Variants in CCDC144A observed in about 807,000 individuals in gnomAD.
The protein encoded by CCDC144A is coiled-coil domain-containing protein 144A.
In CCDC144A, 41 loss-of-function variants were observed where a neutral mutation model predicts 143.8. The observed-to-expected ratio is 0.29, with a 90% CI of 0.22 to 0.37. The LOEUF (loss-of-function observed/expected upper bound fraction) is 0.37, where lower values mean the gene tolerates loss of function less well. Among genes scored for constraint, CCDC144A ranks in the 10% least tolerant of loss-of-function variants. CCDC144A has a pLI of 1.00. For synonymous variants in CCDC144A, 242 were observed against 517.9 expected, an observed-to-expected ratio of 0.47 and a Z score of 7.23; for missense variants, 637 against 1,488.8, an observed-to-expected ratio of 0.43 and a Z score of 9.41.
At chr17:16,683,489 C>G in the CCDC144A span, 1 of 1,456,026 alleles carries the variant, frequency 6.9e-7, no homozygotes, top group Non-Finnish European at 9.6e-7. Context: ...CCTTGCCCTG[C>G]CGCCGCTCTC....
At chr17:16,703,016 T>C (rs1317977101) in intron 2 of CCDC144A, among the ~76,000 whole-genome samples, 3 of 152,230 alleles carry the variant, frequency 2.0e-5, no homozygotes, top group African/African-American at 4.8e-5. Context: ...GTTTTGATTA[T>C]CAAAAATGAA....
chr17:16,712,743 C>G (rs2143141011), intron 6 of CCDC144A, among the ~76,000 whole-genome samples: 1 of 152,204 alleles, frequency 6.6e-6, no homozygotes, highest in East Asian at 1.9e-4. Flanking sequence ...TTGTCATACC[C>G]AGAAAATAAT....
chr17:16,703,640 T>TA (rs1911861499), intron 2 of CCDC144A, among the ~76,000 whole-genome samples: 1 of 152,018 alleles, frequency 6.6e-6, no homozygotes, highest in East Asian at 1.9e-4. Context: ...CCGTCTCTAC[T>TA]AAAAATACAA....
At chr17:16,672,418 C>A in the CCDC144A span, among the ~76,000 whole-genome samples, 1 of 151,698 alleles carries the variant, frequency 6.6e-6, no homozygotes, top group African/African-American at 2.4e-5. Context: ...GCACTCTAGC[C>A]TGGGGGACAA....
At chr17:16,694,706 A>G (rs1911296205) in intron 2 of CCDC144A, among the ~76,000 whole-genome samples, 1 of 151,980 alleles carries the variant, frequency 6.6e-6, no homozygotes, top group African/African-American at 2.4e-5. Context: ...TGAGAAGAAC[A>G]GGTCATGTTA....
the CCDC144A span, chr17:16,683,564 T>C: frequency 4.4e-6 from 7 of 1,601,708 alleles, no homozygotes; most frequent in South Asian, 3.3e-5. Flanking sequence ...TGACCGGGAA[T>C]GAGTGCAAAG....
rs1359949449 is a variant in CCDC144A, at chr17:16,693,048, A to G, written c.414A>G (p.Pro138=). The G allele has an allele frequency of 7.8e-6, 12 of 1,545,886 alleles. No homozygotes were observed. In the South Asian group the frequency reaches 1.1e-4, roughly 15 times the overall value. ...AAAGTCTTCCTCAAAATAACAATCC[A>G]GGTAAGACTTCTGATAGTGAATTAT... ...TPESLPQNNN[P]DWHPTNLTLS... The change falls in exon 2 of 17, where the codon CCA becomes CCG. Residue 138 remains proline, a splice_region_variant and synonymous_variant. Coordinates refer to ENST00000399273, the MANE Select transcript of CCDC144A (RefSeq NM_001382000.1).
chr17:16,755,028 A>T (rs1222365723), intron 12 of CCDC144A, among the ~76,000 whole-genome samples: 2 of 151,802 alleles, frequency 1.3e-5, no homozygotes, highest in African/African-American at 4.8e-5. Context: ...CTTAAGATCT[A>T]TTTTGTCTGA....
intron 12 of CCDC144A, chr17:16,745,717 G>T (rs987286756): frequency 5.0e-6 from 8 of 1,614,006 alleles, no homozygotes; most frequent in Non-Finnish European, 6.8e-6. Flanking sequence ...TCTCGCGCTC[G>T]GAAGTGAGCT....
At chr17:16,751,643 C>T (rs1267632517) in intron 12 of CCDC144A, among the ~76,000 whole-genome samples, 2 of 152,208 alleles carry the variant, frequency 1.3e-5, no homozygotes, top group African/African-American at 4.8e-5. Flanking sequence ...GTTAGGTTGC[C>T]GAGAGACCTA....
At chr17:16,752,348 C>T (rs2143323982) in intron 12 of CCDC144A, among the ~76,000 whole-genome samples, 1 of 152,288 alleles carries the variant, frequency 6.6e-6, no homozygotes. Flanking sequence ...AAATTGTTTT[C>T]CACAATGCCA....
At chr17:16,684,324 TAAC>T in the CCDC144A span, 43 of 720,494 alleles carry the variant, frequency 6.0e-5, no homozygotes, top group Non-Finnish European at 9.3e-5. Flanking sequence ...TTTAATGACA[TAAC>T]AATTTCCATG....
At chr17:16,672,343 G>C in the CCDC144A span, among the ~76,000 whole-genome samples, 1 of 152,010 alleles carries the variant, frequency 6.6e-6, no homozygotes, top group East Asian at 1.9e-4. Context: ...TATTCAGGAG[G>C]CTGAGGCAGG....
the CCDC144A span, among the ~76,000 whole-genome samples, chr17:16,678,286 G>T: frequency 6.6e-6 from 1 of 151,910 alleles, no homozygotes; most frequent in Non-Finnish European, 1.5e-5. Flanking sequence ...GGAAATAAAG[G>T]AAAATCTTGA....
chr17:16,757,620 T>TG (rs1280594973), intron 12 of CCDC144A, among the ~76,000 whole-genome samples: 4 of 152,206 alleles, frequency 2.6e-5, no homozygotes, highest in Non-Finnish European at 5.9e-5. Flanking sequence ...GCGCCACCCC[T>TG]GGTGGGCTTG....
intron 1 of CCDC144A, among the ~76,000 whole-genome samples, chr17:16,691,637 C>T (rs1187022523): frequency 9.2e-5 from 14 of 151,740 alleles, no homozygotes; most frequent in South Asian, 4.2e-4. Flanking sequence ...TGGTGGTGGG[C>T]GCCTGTAGTC....
intron 12 of CCDC144A, among the ~76,000 whole-genome samples, chr17:16,738,063 A>G (rs1394304999): frequency 1.3e-5 from 2 of 152,062 alleles, no homozygotes; most frequent in African/African-American, 4.8e-5. Flanking sequence ...GTTCCAGAAA[A>G]TTGTCTTATT....
intron 4 of CCDC144A, among the ~76,000 whole-genome samples, chr17:16,707,943 T>C (rs1156340228): frequency 6.6e-6 from 1 of 152,168 alleles, no homozygotes; most frequent in African/African-American, 2.4e-5. Context: ...GCTCAAATTT[T>C]GCAGTTTTAT....
chr17:16,672,402 G>A, the CCDC144A span, among the ~76,000 whole-genome samples: 1 of 151,838 alleles, frequency 6.6e-6, no homozygotes, highest in South Asian at 2.1e-4. Context: ...CCAAGATCAC[G>A]CCATTGCACT....
Sources: gnomAD v4.1 joint callset for allele counts (sites outside exome capture counted in the v4.1 genomes callset) on GRCh38, gnomAD v4.1.1 for gene constraint, MANE v1.5 for transcripts, NCBI Gene and HGNC (gene_info 2026-07-23, HGNC 2026-07-21) for gene names.